The following DPP10 variants were observed in gnomAD, a reference collection of about 807,000 sequenced individuals.
The protein encoded by DPP10 is inactive dipeptidyl peptidase 10.
In DPP10, 33 loss-of-function variants were observed where a neutral mutation model predicts 120.9. The observed-to-expected ratio is 0.27, with a 90% CI of 0.21 to 0.37. The LOEUF is 0.37. DPP10 is among the 10% of genes least tolerant of loss of function. The pLI, the probability that DPP10 is intolerant of heterozygous loss-of-function variation, is 1.00. For synonymous variants in DPP10, 337 were observed against 326.1 expected, an observed-to-expected ratio of 1.03 and a Z score of -0.36; for missense variants, 816 against 942.8, an observed-to-expected ratio of 0.87 and a Z score of 1.76.
At chr2:114,717,231 G>A (rs550557825) in intron 1 of DPP10, among the ~76,000 whole-genome samples, 1 of 152,254 alleles carries the variant, frequency 6.6e-6, no homozygotes, top group African/African-American at 2.4e-5. Flanking sequence ...CACATGCCAG[G>A]GAAAACAAAG....
intron 7 of DPP10, among the ~76,000 whole-genome samples, chr2:115,700,092 G>A (rs1310541266): frequency 6.6e-6 from 1 of 152,160 alleles, no homozygotes; most frequent in African/African-American, 2.4e-5. Flanking sequence ...GGAAGGGGGT[G>A]AGAGTTACCA....
At chr2:115,161,482 C>CT (rs975322618) in intron 1 of DPP10, 2 of 151,526 alleles carry the variant, frequency 1.3e-5, no homozygotes, top group Admixed American at 6.6e-5. Context: ...GGGCTCTCCC[C>CT]CCCCCCGGCT....
chr2:114,963,645 C>A (rs1219726235), intron 1 of DPP10, among the ~76,000 whole-genome samples: 1 of 152,122 alleles, frequency 6.6e-6, no homozygotes, highest in Non-Finnish European at 1.5e-5. Context: ...AAGAGATTCA[C>A]AGAAAATACT....
At chr2:114,701,068 A>T (rs772502735) in intron 1 of DPP10, among the ~76,000 whole-genome samples, 2 of 152,038 alleles carry the variant, frequency 1.3e-5, no homozygotes, top group Non-Finnish European at 2.9e-5. Context: ...CTTGGTTAGG[A>T]CCTGAAAACC....
chr2:115,420,006 T>C (rs192257871), intron 3 of DPP10, among the ~76,000 whole-genome samples: 2 of 152,290 alleles, frequency 1.3e-5, no homozygotes, highest in East Asian at 3.9e-4. Context: ...AAATGTGTTA[T>C]GGAAGTATTT....
At chr2:115,247,394 T>TA in intron 1 of DPP10, among the ~76,000 whole-genome samples, 1 of 152,276 alleles carries the variant, frequency 6.6e-6, no homozygotes, top group Admixed American at 6.5e-5. Context: ...ATTCATGTGT[T>TA]AGACAGTTGA....
rs565045591 is a variant in DPP10 at position 115,795,833 on chromosome 2, G to A, written c.1700+4477G>A. 3.3e-5 allele frequency among the ~76,000 whole-genome samples: 5 copies of A among 152,190 alleles called. No individual in the cohort carries two copies. The South Asian group carries it at 8.3e-4, about 25-fold the overall frequency. On this transcript the variant is annotated intron_variant, in intron 19 of 25. Transcript: ENST00000410059. ...TTAGCATCAAGCTTCAGACAAGTCA[G>A]ACATCCTATCTGGATGACTGAACTC... is the stretch of plus-strand genomic sequence containing the variant.
At chr2:115,092,073 G>GT (rs1709310380) in intron 1 of DPP10, among the ~76,000 whole-genome samples, 1 of 152,094 alleles carries the variant, frequency 6.6e-6, no homozygotes, top group Non-Finnish European at 1.5e-5. Flanking sequence ...GGACTCTGTT[G>GT]TTTTTTGTTT....
At chr2:115,141,610 A>C (rs1054599750) in intron 1 of DPP10, among the ~76,000 whole-genome samples, 1 of 152,244 alleles carries the variant, frequency 6.6e-6, no homozygotes, top group African/African-American at 2.4e-5. Flanking sequence ...GTTCGACTGC[A>C]TTATGTCTAG....
At chr2:114,547,726 T>C (rs116158917) in intron 1 of DPP10, among the ~76,000 whole-genome samples, 1,657 of 152,322 alleles carry the variant, frequency 0.011, 28 homozygotes, top group African/African-American at 0.037. Flanking sequence ...ACTTCAGAGA[T>C]TGTTTAACTG....
intron 1 of DPP10, among the ~76,000 whole-genome samples, chr2:114,818,394 C>A (rs866225437): frequency 1.3e-5 from 2 of 152,046 alleles, no homozygotes; most frequent in Non-Finnish European, 2.9e-5. Flanking sequence ...TCCAGTCTCC[C>A]AAATTACTAC....
At chr2:114,572,829 A>G (rs1380027883) in intron 1 of DPP10, among the ~76,000 whole-genome samples, 2 of 152,244 alleles carry the variant, frequency 1.3e-5, no homozygotes, top group Non-Finnish European at 2.9e-5. Context: ...TTGAGTGGTC[A>G]TGCTGAGATT....
intron 1 of DPP10, among the ~76,000 whole-genome samples, chr2:114,956,986 C>CAAAAAAAAAAA (rs764400761): frequency 9.3e-6 from 1 of 106,970 alleles, no homozygotes. Context: ...TAAAACTATT[C>CAAAAAAAAAAA]AAAAAAAAAA....
intron 19 of DPP10, among the ~76,000 whole-genome samples, chr2:115,812,681 T>C (rs1177435397): frequency 2.0e-5 from 3 of 152,170 alleles, no homozygotes; most frequent in Admixed American, 6.5e-5. Flanking sequence ...AGACAAGGCA[T>C]ATTTTGATTT....
At chr2:114,657,675 T>C (rs1697066031) in intron 1 of DPP10, among the ~76,000 whole-genome samples, 1 of 152,196 alleles carries the variant, frequency 6.6e-6, no homozygotes, top group Non-Finnish European at 1.5e-5. Context: ...GTGGGTGATA[T>C]GTGAGGCTGA....
intron 1 of DPP10, among the ~76,000 whole-genome samples, chr2:114,936,669 C>A (rs1259208519): frequency 3.3e-5 from 5 of 151,984 alleles, no homozygotes; most frequent in Non-Finnish European, 5.9e-5. Flanking sequence ...ATCTCCACAC[C>A]TTTTTTCACT....
chr2:115,334,753 A>T (rs973726308), intron 2 of DPP10, among the ~76,000 whole-genome samples: 3 of 151,972 alleles, frequency 2.0e-5, no homozygotes, highest in African/African-American at 7.2e-5. Context: ...AAGGTGCTTT[A>T]TAGGGCCCTG....
intron 2 of DPP10, among the ~76,000 whole-genome samples, chr2:115,312,092 A>G (rs890798731): frequency 3.3e-5 from 5 of 152,082 alleles, no homozygotes; most frequent in Admixed American, 2.6e-4. Context: ...TACCAAGTGC[A>G]TTTCACATAC....
At chr2:115,405,155 A>C (rs1006752418) in intron 3 of DPP10, among the ~76,000 whole-genome samples, 7 of 152,218 alleles carry the variant, frequency 4.6e-5, no homozygotes, top group Non-Finnish European at 1.0e-4. Flanking sequence ...ATAAGCCTGT[A>C]AAATAAAAAA....
Sources: gnomAD v4.1 joint callset for allele counts (sites outside exome capture counted in the v4.1 genomes callset) on GRCh38, gnomAD v4.1.1 for gene constraint, MANE v1.5 for transcripts, NCBI Gene and HGNC (gene_info 2026-07-23, HGNC 2026-07-21) for gene names.